Variants in ASB4 observed in about 807,000 individuals in gnomAD.
ASB4 encodes the protein ankyrin repeat and SOCS box containing 4, also known as ankyrin repeat and SOCS box protein 4.
ASB4 carries 35 observed loss-of-function variants against 38.6 expected under a neutral mutation model. The observed-to-expected ratio is 0.91, with a 90% CI of 0.69 to 1.20. The LOEUF (loss-of-function observed/expected upper bound fraction) is 1.20, where lower values mean the gene tolerates loss of function less well. Ranked by LOEUF, ASB4 falls within the 50% of genes most tolerant of loss-of-function variation. ASB4 has a pLI of 0.00. For missense variants in ASB4, 557 were observed against 527.2 expected (o/e 1.06, Z -0.55); for synonymous variants, 195 against 201.3 (o/e 0.97, Z 0.26).
intron 1 of ASB4, 125 bp from the exon 2 acceptor site, chr7:95,495,633 C>T: frequency 1.1e-6 from 1 of 909,296 alleles, no homozygotes; most frequent in Admixed American, 2.9e-5. Flanking sequence ...CCTCTGTCAT[C>T]CCCTCTCCAC....
intron 3 of ASB4, among the ~76,000 whole-genome samples, chr7:95,533,380 C>T (rs571886004): frequency 9.2e-5 from 14 of 152,300 alleles, no homozygotes; most frequent in African/African-American, 3.1e-4. Flanking sequence ...TAACACTCTT[C>T]GTGCTGTGAC....
intron 3 of ASB4, chr7:95,528,839 C>G (rs917836547): frequency 2.5e-6 from 1 of 392,500 alleles, no homozygotes; most frequent in African/African-American, 2.2e-5. Flanking sequence ...AACAATCATA[C>G]GAGGTATATA....
chr7:95,506,896 C>T (rs552117434), intron 2 of ASB4, among the ~76,000 whole-genome samples: 4 of 151,880 alleles, frequency 2.6e-5, no homozygotes, highest in Admixed American at 6.6e-5. Flanking sequence ...ATTTGGATAT[C>T]GAACCTCCCT....
At chr7:95,540,312 C>T (rs1228031624), downstream of ASB4, 1 of 152,150 alleles carries the variant, frequency 6.6e-6, no homozygotes, top group Non-Finnish European at 1.5e-5. Context: ...AAGAACTCTA[C>T]ACATTTCATT....
Position 95,539,789 on chromosome 7 carries a change from A to G in ASB4, c.*2030A>G, listed in dbSNP as rs1226977527. On this transcript the variant is annotated 3_prime_UTR_variant, in exon 5 of 5. Transcript: ENST00000325885. ...AGACTACATATTGGGTACAGTGTAC[A>G]CTGCTCCAGTGATGGGTGCACTAAA... 6.6e-6 allele frequency: 1 copy of G among 152,228 alleles called. No homozygotes were observed. The highest frequency in any genetic ancestry group is 2.4e-5 in the African/African-American group (1 of 41,460). 9.4% of individuals were successfully genotyped at this position (152,228 alleles called of 1,614,324 possible). A position where few individuals can be genotyped will look rare whatever the true frequency, so the allele number is the denominator to read the frequency against.
rs1024268937 is a variant in ASB4, at chr7:95,539,774, T to C, written c.*2015T>C. 4 of 152,244 alleles carry C rather than the reference T, an allele frequency of 2.6e-5. No individual in the cohort carries two copies. Among genetic ancestry groups the C allele is most frequent in the Non-Finnish European group, 5.9e-5 (4 of 68,104 alleles). 9.4% of individuals were successfully genotyped at this position (152,244 alleles called of 1,614,324 possible). A position where few individuals can be genotyped will look rare whatever the true frequency, so the allele number is the denominator to read the frequency against. ...GGGGTGAGGGATAAAAGACTACATA[T>C]TGGGTACAGTGTACACTGCTCCAGT... On this transcript the variant is annotated 3_prime_UTR_variant, in exon 5 of 5. Transcript: ENST00000325885.
intron 2 of ASB4, among the ~76,000 whole-genome samples, chr7:95,521,214 G>A: frequency 6.6e-6 from 1 of 151,942 alleles, no homozygotes; most frequent in East Asian, 1.9e-4. Context: ...ATAAAGAAAT[G>A]TTTCCTTTTT....
chr7:95,487,306 T>C (rs934740790), intron 1 of ASB4, among the ~76,000 whole-genome samples: 2 of 152,232 alleles, frequency 1.3e-5, no homozygotes, highest in Admixed American at 6.5e-5. Flanking sequence ...GATCTATTTT[T>C]TAAAAAGTTT....
chr7:95,532,517 C>T (rs763464), intron 3 of ASB4, among the ~76,000 whole-genome samples: 113,009 of 151,970 alleles, frequency 0.74, 42,789 homozygotes, highest in East Asian at 0.98. Context: ...ACACGAGGGT[C>T]TGGGAGAGGT....
chr7:95,519,136 C>T (rs1790625220), intron 2 of ASB4, among the ~76,000 whole-genome samples: 2 of 152,026 alleles, frequency 1.3e-5, no homozygotes, highest in South Asian at 4.1e-4. Flanking sequence ...CTATGGAAGA[C>T]ACAAGAGAAT....
chr7:95,531,554 A>G (rs1790820002), intron 3 of ASB4, among the ~76,000 whole-genome samples: 1 of 152,240 alleles, frequency 6.6e-6, no homozygotes, highest in African/African-American at 2.4e-5. Context: ...TGCCATGGGC[A>G]TGGTAACCAT....
At chr7:95,525,766 C>T (rs1343516369) in intron 2 of ASB4, among the ~76,000 whole-genome samples, 2 of 152,168 alleles carry the variant, frequency 1.3e-5, no homozygotes, top group African/African-American at 4.8e-5. Flanking sequence ...TAAGACCTGA[C>T]CCAGAACTTC....
chr7:95,489,949 T>C (rs1476515), intron 1 of ASB4, among the ~76,000 whole-genome samples: 55,412 of 152,090 alleles, frequency 0.36, 10,789 homozygotes, highest in East Asian at 0.73. Context: ...AACTTGATCT[T>C]CCTTCAGATG....
chr7:95,492,408 G>A (rs1461622446), intron 1 of ASB4, among the ~76,000 whole-genome samples: 1 of 152,168 alleles, frequency 6.6e-6, no homozygotes, highest in Non-Finnish European at 1.5e-5. Flanking sequence ...AGCAGGCTTG[G>A]AGGTAATTCT....
At chr7:95,471,907 G>A in the ASB4 span, 1 of 139,756 alleles carries the variant, frequency 7.2e-6, no homozygotes, top group Non-Finnish European at 1.6e-5. Flanking sequence ...GAGCCACACA[G>A]AGGTTAAATA....
chr7:95,518,178 T>C (rs1255654599), intron 2 of ASB4, among the ~76,000 whole-genome samples: 1 of 152,248 alleles, frequency 6.6e-6, no homozygotes, highest in Non-Finnish European at 1.5e-5. Context: ...CAATATCTTG[T>C]TCTCTTCCAC....
upstream of ASB4, among the ~76,000 whole-genome samples, chr7:95,477,150 A>AT (rs1049640415): frequency 2.6e-5 from 4 of 151,138 alleles, no homozygotes; most frequent in Non-Finnish European, 4.4e-5. Context: ...TTCCGGGTTC[A>AT]TTTATCGAGG....
chr7:95,538,010 G>C lies in ASB4; in HGVS notation c.*251G>C, dbSNP rs1313252021. 2.7e-6 allele frequency: 1 copy of C among 375,378 alleles called. No individual in the cohort carries two copies. The highest frequency in any genetic ancestry group is 2.0e-5 in the African/African-American group (1 of 49,454). The allele number at this position is 375,378 out of a possible 1,614,324, so 23.3% of individuals were successfully genotyped here. On this transcript the variant is annotated 3_prime_UTR_variant, in exon 5 of 5. Coordinates refer to ENST00000325885, the MANE Select transcript of ASB4 (RefSeq NM_016116.3). ...AGAACAGTAATAACTAATATGTATA[G>C]TGTTCTTACTAAGTACCTGAAATAT...
At chr7:95,532,342 G>A (rs1183868097) in intron 3 of ASB4, among the ~76,000 whole-genome samples, 1 of 152,046 alleles carries the variant, frequency 6.6e-6, no homozygotes, top group Non-Finnish European at 1.5e-5. Flanking sequence ...TTACATAAGC[G>A]GGGGAAAAAA....
Sources: gnomAD v4.1 joint callset for allele counts (sites outside exome capture counted in the v4.1 genomes callset) on GRCh38, gnomAD v4.1.1 for gene constraint, MANE v1.5 for transcripts, NCBI Gene and HGNC (gene_info 2026-07-23, HGNC 2026-07-21) for gene names.